FAT3: variants seen among roughly 807,000 people sequenced by gnomAD.
FAT3 encodes protocadherin Fat 3.
A neutral mutation model predicts 310.2 loss-of-function variants in FAT3; 95 were observed. The observed-to-expected ratio is 0.31, with a 90% confidence interval of 0.26 to 0.36. The LOEUF (loss-of-function observed/expected upper bound fraction) is 0.36. Among genes scored for constraint, FAT3 ranks in the 10% least tolerant of loss-of-function variants. The probability of loss-of-function intolerance (pLI) is 1.00; values close to 1 mark genes in which losing one functional copy is unlikely to be tolerated. For synonymous variants in FAT3, 2,314 were observed against 2,192.9 expected (o/e 1.06, Z -1.54); for missense variants, 5,408 against 5,715.6 (o/e 0.95, Z 1.74).
At chr11:92,254,481 C>G (rs192458174) in intron 1 of FAT3, among the ~76,000 whole-genome samples, 473 of 152,206 alleles carry the variant, frequency 3.1e-3, no homozygotes, top group African/African-American at 0.011. Context: ...AAATATTAAC[C>G]CTCTCCACTG....
intron 3 of FAT3, among the ~76,000 whole-genome samples, chr11:92,669,080 C>T (rs1212979704): frequency 6.6e-6 from 1 of 152,196 alleles, no homozygotes; most frequent in African/African-American, 2.4e-5. Context: ...TTCCAAGACA[C>T]CTTCGAAAGT....
At chr11:92,565,784 A>T (rs1192501071) in intron 3 of FAT3, among the ~76,000 whole-genome samples, 2 of 152,140 alleles carry the variant, frequency 1.3e-5, no homozygotes, top group African/African-American at 4.8e-5. Context: ...CAAAGACAAA[A>T]ACCACATGAT....
Position 92,889,181 on chromosome 11 carries a change from A to T in FAT3, c.13052-8A>T, listed in dbSNP as rs1343445869. 1 of 710,372 alleles carries T rather than the reference A, an allele frequency of 1.4e-6. No individual in the cohort carries two copies. The highest frequency in any genetic ancestry group is 2.7e-5 in the East Asian group (1 of 36,934). 44.0% of individuals were successfully genotyped at this position (710,372 alleles called of 1,614,324 possible). A position where few individuals can be genotyped will look rare whatever the true frequency, so the allele number is the denominator to read the frequency against. On this transcript the variant is annotated splice_polypyrimidine_tract_variant and splice_region_variant and intron_variant, in intron 25 of 27. Coordinates refer to ENST00000525166, the MANE Select transcript of FAT3 (RefSeq NM_001367949.2). ...CCCCTACCTCCGACTTCTTTTCCTG[A>T]CCACAAGCCTCCATAGTGACTGTCA...
intron 2 of FAT3, among the ~76,000 whole-genome samples, chr11:92,520,351 G>C (rs1399655966): frequency 6.6e-6 from 1 of 152,008 alleles, no homozygotes; most frequent in African/African-American, 2.4e-5. Flanking sequence ...TGAGAGTAAG[G>C]GATTGAAAAT....
intron 4 of FAT3, among the ~76,000 whole-genome samples, chr11:92,716,060 A>C (rs1775961035): frequency 1.3e-5 from 2 of 152,170 alleles, no homozygotes; most frequent in Admixed American, 6.5e-5. Context: ...ATCTGGGAAA[A>C]GAGGACTTTG....
At chr11:92,525,524 G>A (rs769455379) in intron 3 of FAT3, among the ~76,000 whole-genome samples, 1 of 152,192 alleles carries the variant, frequency 6.6e-6, no homozygotes, top group Non-Finnish European at 1.5e-5. Context: ...TTAATTGGTT[G>A]AGTAAGGGTA....
intron 2 of FAT3, among the ~76,000 whole-genome samples, chr11:92,524,090 G>C (rs1233031300): frequency 6.6e-6 from 1 of 151,928 alleles, no homozygotes; most frequent in African/African-American, 2.4e-5. Flanking sequence ...TAAGAAGGAG[G>C]GTTACACCTT....
chr11:92,738,146 C>T (rs1945405534), intron 4 of FAT3, among the ~76,000 whole-genome samples: 1 of 151,984 alleles, frequency 6.6e-6, no homozygotes, highest in African/African-American at 2.4e-5. Context: ...TCTAGGAAGC[C>T]CTCTGAAATA....
chr11:92,597,133 C>A (rs1939752481), intron 3 of FAT3, among the ~76,000 whole-genome samples: 1 of 152,116 alleles, frequency 6.6e-6, no homozygotes, highest in Non-Finnish European at 1.5e-5. Context: ...ATTTATAGGT[C>A]ATATTCTGGT....
chr11:92,781,075 CTTTTT>C (rs10649331), intron 7 of FAT3, among the ~76,000 whole-genome samples: 2 of 121,982 alleles, frequency 1.6e-5, no homozygotes, highest in African/African-American at 3.1e-5. Context: ...TTTCTTTATT[CTTTTT>C]TTTTTTTTTT....
intron 3 of FAT3, among the ~76,000 whole-genome samples, chr11:92,656,497 C>T (rs1449792321): frequency 1.3e-5 from 2 of 152,192 alleles, no homozygotes; most frequent in East Asian, 3.9e-4. Flanking sequence ...TGCATGTAGA[C>T]ATCTTCTTGA....
chr11:92,236,716 A>C (rs564607635), intron 1 of FAT3, among the ~76,000 whole-genome samples: 1 of 152,188 alleles, frequency 6.6e-6, no homozygotes, highest in African/African-American at 2.4e-5. Flanking sequence ...ATTGGAGTCT[A>C]TATCCCTGAA....
chr11:92,462,788 A>C (rs1951667661), intron 2 of FAT3, among the ~76,000 whole-genome samples: 1 of 152,182 alleles, frequency 6.6e-6, no homozygotes, highest in Non-Finnish European at 1.5e-5. Context: ...GTGTTTTAGG[A>C]ATTGAAATTC....
chr11:92,389,305 AG>A (rs1223756344), intron 2 of FAT3, among the ~76,000 whole-genome samples: 1 of 152,230 alleles, frequency 6.6e-6, no homozygotes, highest in Admixed American at 6.5e-5. Flanking sequence ...ACCAGCTCGT[AG>A]ATGAGTTTCT....
intron 4 of FAT3, among the ~76,000 whole-genome samples, chr11:92,716,495 AT>A (rs1375267143): frequency 1.3e-5 from 2 of 152,144 alleles, no homozygotes; most frequent in East Asian, 3.9e-4. Context: ...CTGGAAAAAA[AT>A]ATACAAAAAT....
intron 1 of FAT3, among the ~76,000 whole-genome samples, chr11:92,262,497 C>T (rs942564781): frequency 1.1e-4 from 16 of 152,172 alleles, no homozygotes; most frequent in African/African-American, 3.9e-4. Context: ...ACCAGTGATC[C>T]TTGGCCTGGT....
In FAT3 at chr11:92,762,045, C is replaced by A. The variant is rs778134715; in HGVS notation, c.3859C>A (p.Pro1287Thr). 2 of 1,613,814 alleles carry A rather than the reference C, an allele frequency of 1.2e-6. No homozygotes were observed. The highest frequency in any genetic ancestry group is 1.7e-6 in the Non-Finnish European group (2 of 1,179,848). The stretch of plus-strand genomic sequence containing the variant: ...TTTTGCATTTGATAGAGATGAGGGC[C>A]CCAACGCAGAAATCTCCTACAGTAT... ...RAFAFDRDEG[P>T]NAEISYSIVD... is the part of the protein sequence containing the mutation. The change falls in exon 5 of 28, where the codon CCC (proline) becomes ACC (threonine). Residue 1287 changes from proline (P) to threonine (T), a missense_variant. Around this residue, in one of 5 missense-constraint regions of FAT3, gnomAD observed 4,588 missense variants for 4,809.8 expected, o/e 0.95. Transcript: ENST00000525166.
chr11:92,860,144 C>G (rs1449746206), intron 21 of FAT3, among the ~76,000 whole-genome samples: 1 of 152,188 alleles, frequency 6.6e-6, no homozygotes, highest in Non-Finnish European at 1.5e-5. Flanking sequence ...GACTCTTTCT[C>G]AAAACAAACA....
chr11:92,279,207 G>A (rs1946357480), intron 1 of FAT3, among the ~76,000 whole-genome samples: 2 of 152,018 alleles, frequency 1.3e-5, no homozygotes, highest in African/African-American at 4.8e-5. Flanking sequence ...ATATCCATCA[G>A]GGCTCAGCTG....
Sources: allele counts gnomAD v4.1 joint callset (sites outside exome capture counted in the v4.1 genomes callset), GRCh38; gene constraint gnomAD v4.1.1; regional missense constraint gnomAD v4.1.1; transcripts MANE v1.5; gene names NCBI Gene and HGNC (gene_info 2026-07-23, HGNC 2026-07-21).